SDK2: variants seen among roughly 807,000 people sequenced by gnomAD.
SDK2 encodes sidekick cell adhesion molecule 2, also known as protein sidekick-2.
Under a neutral mutation model 253.9 loss-of-function variants are expected in SDK2, and 105 were observed. That is an observed-to-expected ratio of 0.41 (90% CI 0.35 to 0.49). SDK2 has a LOEUF of 0.49. Ranked by LOEUF, SDK2 falls within the 20% of genes least tolerant of loss-of-function variation. The pLI, the probability that SDK2 is intolerant of heterozygous loss-of-function variation, is 0.06. For missense variants in SDK2, 2,608 were observed against 3,003.0 expected, an observed-to-expected ratio of 0.87 and a Z score of 3.07; for synonymous variants, 1,249 against 1,234.9, an observed-to-expected ratio of 1.01 and a Z score of -0.24.
chr17:73,388,956 C>T (rs1258111424), intron 29 of SDK2, among the ~76,000 whole-genome samples: 65 of 234 alleles, frequency 0.28, 1 homozygote, highest in African/African-American at 0.43. Context: ...TTCCCCCTCC[C>T]CTCCCCTCTC....
Position 73,338,785 on chromosome 17 carries a change from C to G in SDK2, c.6321G>C (p.Ser2107=). The G allele has an allele frequency of 6.2e-7, 1 of 1,613,848 alleles. No homozygotes were observed. The highest frequency in any genetic ancestry group is 8.5e-7 in the Non-Finnish European group (1 of 1,179,866). ...AQAYSYTESD[S]GEPDHTTVTN... is the part of the protein sequence containing the mutation. Reference sequence around the variant, plus strand: ...TGACGGTGGTGTGGTCTGGCTCACCCGAGTCGCTCTCCGTGTAGCTGTAGG... The same window carrying G: ...TGACGGTGGTGTGGTCTGGCTCACCGGAGTCGCTCTCCGTGTAGCTGTAGG... The change falls in exon 45 of 45, where the codon TCG becomes TCC. Residue 2107 remains serine, a synonymous_variant. Coordinates refer to ENST00000392650, the MANE Select transcript of SDK2 (RefSeq NM_001144952.2). This position sits in a 1 kb window ranked among gnomAD's most constrained non-coding sequence, Gnocchi z 5.0.
chr17:73,579,350 T>C (rs979824667), intron 1 of SDK2, among the ~76,000 whole-genome samples: 5 of 152,172 alleles, frequency 3.3e-5, no homozygotes, highest in East Asian at 1.9e-4. Context: ...TCTGCAACTT[T>C]ATGGGGCACT....
At chr17:73,477,134 C>T (rs554538834) in intron 2 of SDK2, among the ~76,000 whole-genome samples, 11 of 152,320 alleles carry the variant, frequency 7.2e-5, no homozygotes, top group African/African-American at 2.2e-4. Context: ...GCCAGCTTCT[C>T]GGTTTGTGAG....
chr17:73,440,166 G>C (rs1599568503), intron 6 of SDK2, among the ~76,000 whole-genome samples: 1 of 150,248 alleles, frequency 6.7e-6, no homozygotes, highest in East Asian at 2.0e-4. Flanking sequence ...GGAGTGCAAT[G>C]GTGCAATCTC....
chr17:73,339,785 G>A (rs1157476377), intron 44 of SDK2, among the ~76,000 whole-genome samples: 1 of 152,134 alleles, frequency 6.6e-6, no homozygotes, highest in Non-Finnish European at 1.5e-5. Flanking sequence ...TAGAACTCCT[G>A]GACTTAAGTG....
intron 1 of SDK2, among the ~76,000 whole-genome samples, chr17:73,542,131 T>C (rs8075553): frequency 0.49 from 73,807 of 152,150 alleles, 18,608 homozygotes; most frequent in African/African-American, 0.61. Context: ...CTGGCCCATC[T>C]CATCACAGTG....
intron 44 of SDK2, among the ~76,000 whole-genome samples, chr17:73,343,524 CA>C: frequency 6.6e-6 from 1 of 152,224 alleles, no homozygotes; most frequent in East Asian, 1.9e-4. Context: ...ACCGGCCCAG[CA>C]CAAAGGGGGC....
Position 73,609,280 on chromosome 17 carries a change from C to A in SDK2, c.64+34745G>T, listed in dbSNP as rs1318795561. On this transcript the variant is annotated intron_variant, in intron 1 of 44. Coordinates refer to ENST00000392650, the MANE Select transcript of SDK2 (RefSeq NM_001144952.2). This position sits in a 1 kb window ranked among gnomAD's most constrained non-coding sequence, Gnocchi z 4.4. Reference sequence around the variant, plus strand: ...GCAGGCAGAGGTTGGATGAGATCACCAAGGGGTGGGTACTCATGGAAAGGA... The same window carrying A: ...GCAGGCAGAGGTTGGATGAGATCACAAAGGGGTGGGTACTCATGGAAAGGA... Among the ~76,000 whole-genome samples the A allele has an allele frequency of 6.6e-6, 1 of 152,070 alleles. No individual in the cohort carries two copies. Among genetic ancestry groups the A allele is most frequent in the East Asian group, 1.9e-4 (1 of 5,184 alleles).
At chr17:73,636,477 C>T (rs2046330911) in intron 1 of SDK2, among the ~76,000 whole-genome samples, 1 of 151,900 alleles carries the variant, frequency 6.6e-6, no homozygotes, top group African/African-American at 2.4e-5. Context: ...CACTTGAGGT[C>T]AGGAGTTTGA....
intron 24 of SDK2, among the ~76,000 whole-genome samples, chr17:73,396,035 C>T (rs1051878874): frequency 2.0e-5 from 3 of 152,002 alleles, no homozygotes; most frequent in African/African-American, 7.2e-5. Context: ...CTTGCTGGGA[C>T]TATAGGCGTG....
chr17:73,492,352 A>G (rs1021477705), intron 2 of SDK2, among the ~76,000 whole-genome samples: 2 of 152,128 alleles, frequency 1.3e-5, no homozygotes, highest in African/African-American at 2.4e-5. Flanking sequence ...GTGCACTCCC[A>G]GGCCCATGGT....
chr17:73,412,526 A>G (rs1247477672), intron 18 of SDK2, among the ~76,000 whole-genome samples: 1 of 152,100 alleles, frequency 6.6e-6, no homozygotes, highest in Non-Finnish European at 1.5e-5. Context: ...AGCACCCCAG[A>G]ATGTGACTGT....
At chr17:73,398,538 C>T (rs2062992055) in intron 22 of SDK2, 109 bp from the exon 23 acceptor site, 1 of 889,078 alleles carries the variant, frequency 1.1e-6, no homozygotes, top group African/African-American at 1.7e-5. Flanking sequence ...GAACCCAGGG[C>T]TCATCTGGAG....
rs117595536 is a variant in SDK2 at position 73,413,689 on chromosome 17, A to G, written c.2484+955T>C. ...CTCACTTAATCCTCACACAACTCCAAGAAGCAGGTATTATCATCTTCATTT... is the reference window on the plus strand; with the variant it reads ...CTCACTTAATCCTCACACAACTCCAGGAAGCAGGTATTATCATCTTCATTT... On this transcript the variant is annotated intron_variant, in intron 18 of 44. Coordinates refer to ENST00000392650, the MANE Select transcript of SDK2 (RefSeq NM_001144952.2). Among the ~76,000 whole-genome samples, 118 of 152,344 alleles carry G rather than the reference A, an allele frequency of 7.7e-4. 3 individuals carry two copies. In the East Asian group the frequency reaches 0.018, roughly 24 times the overall value.
chr17:73,579,991 G>GAAAAAAA (rs59008482), intron 1 of SDK2, among the ~76,000 whole-genome samples: 3 of 127,124 alleles, frequency 2.4e-5, no homozygotes, highest in Non-Finnish European at 5.2e-5. Flanking sequence ...AAAGAAAAAA[G>GAAAAAAA]AAAAAAAAAA....
chr17:73,340,968 T>C (rs967002427), intron 44 of SDK2, among the ~76,000 whole-genome samples: 9 of 151,324 alleles, frequency 5.9e-5, no homozygotes, highest in South Asian at 4.2e-4. Flanking sequence ...GGCCTCGAAC[T>C]CCCAACCTCA....
intron 2 of SDK2, among the ~76,000 whole-genome samples, chr17:73,479,884 G>A (rs2063710495): frequency 6.6e-6 from 1 of 152,164 alleles, no homozygotes; most frequent in Non-Finnish European, 1.5e-5. Context: ...GTAGAGATGG[G>A]GTTTCGCCAT....
chr17:73,603,283 C>T (rs2045865613), intron 1 of SDK2, among the ~76,000 whole-genome samples: 2 of 152,182 alleles, frequency 1.3e-5, no homozygotes, highest in Admixed American at 1.3e-4. Context: ...GTGTATCTAT[C>T]CTGGAAGTGA....
chr17:73,421,586 T>TC (rs1364818337), intron 15 of SDK2, among the ~76,000 whole-genome samples: 1 of 146,684 alleles, frequency 6.8e-6, no homozygotes, highest in East Asian at 2.0e-4. Context: ...TTTTTTTTTT[T>TC]TTTTTTTTTG....
Sources: gnomAD v4.1 joint callset for allele counts (sites outside exome capture counted in the v4.1 genomes callset) on GRCh38, gnomAD v4.1.1 for gene constraint, Gnocchi (gnomAD v3.1) non-coding constraint, MANE v1.5 for transcripts, NCBI Gene and HGNC (gene_info 2026-07-23, HGNC 2026-07-21) for gene names.